Variants in KLHL15 observed in about 807,000 individuals in gnomAD.
KLHL15 encodes the protein kelch like family member 15, also known as kelch-like protein 15.
Under a neutral mutation model 29.3 loss-of-function variants are expected in KLHL15, and 1 was observed. The ratio of observed to expected loss-of-function variants is 0.03; its 90% CI spans 0.01 to 0.16. The LOEUF is 0.16. KLHL15 is among the 10% of genes least tolerant of loss of function. KLHL15 has a pLI of 1.00. For missense variants in KLHL15, 215 were observed against 478.5 expected (o/e 0.45, Z 5.14); for synonymous variants, 212 against 184.5 (o/e 1.15, Z -1.21).
chrX:23,989,837 T>G (rs1929046778), intron 3 of KLHL15, among the ~76,000 whole-genome samples: 1 of 110,301 alleles, frequency 9.1e-6, no homozygotes, highest in Non-Finnish European at 1.9e-5. Context: ...TATATATTTT[T>G]AGAGATGGGG....
chrX:24,015,285 T>C (rs751158546), intron 2 of KLHL15, among the ~76,000 whole-genome samples: 1 of 112,289 alleles, frequency 8.9e-6, no homozygotes, highest in East Asian at 2.8e-4. Flanking sequence ...ATTCTTTTTA[T>C]ATGATTTTGT....
intron 3 of KLHL15, among the ~76,000 whole-genome samples, chrX:23,991,063 C>T: frequency 9.1e-6 from 1 of 110,018 alleles, no homozygotes; most frequent in Non-Finnish European, 1.9e-5. Context: ...AGAGAGAAAA[C>T]TAACATTGGC....
chrX:24,024,285 G>C (rs1436103937), intron 2 of KLHL15, among the ~76,000 whole-genome samples: 1 of 112,118 alleles, frequency 8.9e-6, no homozygotes, highest in African/African-American at 3.2e-5. Context: ...TAGAAATAAA[G>C]AGGCAGCAAC....
At chrX:24,021,107 A>G (rs567340651) in intron 2 of KLHL15, among the ~76,000 whole-genome samples, 1 of 112,246 alleles carries the variant, frequency 8.9e-6, no homozygotes, top group East Asian at 2.8e-4. Context: ...TAAAATTTCA[A>G]ATTCTGAAAA....
At position 23,987,120 on chromosome X, in the gene KLHL15, T is replaced by G. The variant is rs975852800; in HGVS notation, c.*801A>C. 4 of 112,803 alleles carry G rather than the reference T, an allele frequency of 3.5e-5. No individual in the cohort carries two copies. Among genetic ancestry groups the G allele is most frequent in the African/African-American group, 1.3e-4 (4 of 31,106 alleles). 9.3% of individuals were successfully genotyped at this position (112,803 alleles called of 1,213,427 possible). A position where few individuals can be genotyped will look rare whatever the true frequency, so the allele number is the denominator to read the frequency against. On this transcript the variant is annotated 3_prime_UTR_variant, in exon 4 of 4. Coordinates refer to ENST00000328046, the MANE Select transcript of KLHL15 (RefSeq NM_030624.3). ...GAAATATAAGGAGTTCAAATATTAC[T>G]GAATCAGTATGGACTGAAGATAGGC...
chrX:24,025,509 C>A (rs868391225), intron 1 of KLHL15, among the ~76,000 whole-genome samples: 4 of 104,753 alleles, frequency 3.8e-5, no homozygotes, highest in Non-Finnish European at 6.0e-5. Flanking sequence ...AAGGCCGCCA[C>A]GCTGGGAGAG....
At chrX:24,009,314 A>G (rs1430245788) in intron 2 of KLHL15, among the ~76,000 whole-genome samples, 8 of 110,588 alleles carry the variant, frequency 7.2e-5, no homozygotes, top group African/African-American at 9.9e-5. Flanking sequence ...CCTGGCCAAC[A>G]TGGTGAAACC....
At chrX:24,001,867 C>T (rs1722240662) in intron 3 of KLHL15, among the ~76,000 whole-genome samples, 1 of 104,297 alleles carries the variant, frequency 9.6e-6, no homozygotes, top group Non-Finnish European at 1.9e-5. Flanking sequence ...GGCGCGGTGG[C>T]TCACGCCTGT....
At chrX:23,993,451 G>A (rs181697532) in intron 3 of KLHL15, among the ~76,000 whole-genome samples, 4 of 111,666 alleles carry the variant, frequency 3.6e-5, no homozygotes, top group African/African-American at 1.3e-4. Flanking sequence ...TGATGTAACA[G>A]CACTGATAGA....
At chrX:23,997,208 C>G (rs1048415551) in intron 3 of KLHL15, among the ~76,000 whole-genome samples, 2 of 112,349 alleles carry the variant, frequency 1.8e-5, no homozygotes, top group African/African-American at 6.5e-5. Flanking sequence ...GTAAAAAATA[C>G]TTAAAGAATA....
rs1004258107 is a variant in KLHL15 at position 24,009,212 on chromosome X, A to G, written c.-7-2512T>C. On this transcript the variant is annotated intron_variant, in intron 2 of 3. Transcript: ENST00000328046. Reference sequence around the variant, plus strand: ...TGTCTCTACTAAAAATACAAAAATTAAAGGCCGGGCGTGGTGGCTCATGCC... The same window carrying G: ...TGTCTCTACTAAAAATACAAAAATTGAAGGCCGGGCGTGGTGGCTCATGCC... Among the ~76,000 whole-genome samples, 4 of 110,446 alleles carry G rather than the reference A, an allele frequency of 3.6e-5. No homozygotes were observed. In the Admixed American group the frequency reaches 3.9e-4, roughly 11 times the overall value.
intron 2 of KLHL15, among the ~76,000 whole-genome samples, chrX:24,011,112 A>T (rs1929563996): frequency 9.3e-6 from 1 of 107,709 alleles, no homozygotes. Context: ...CCTTTATTCA[A>T]CTTCCTGACA....
chrX:23,991,051 TAA>T (rs1929073301), intron 3 of KLHL15, among the ~76,000 whole-genome samples: 1 of 109,828 alleles, frequency 9.1e-6, no homozygotes, highest in African/African-American at 3.3e-5. Context: ...TCCAACTACA[TAA>T]GAGAGAAAAC....
At chrX:24,022,742 G>A (rs1929838166) in intron 2 of KLHL15, among the ~76,000 whole-genome samples, 1 of 104,125 alleles carries the variant, frequency 9.6e-6, no homozygotes, top group Non-Finnish European at 2.0e-5. Flanking sequence ...TTTTTGAGAC[G>A]GAGTTTTGCT....
intron 3 of KLHL15, among the ~76,000 whole-genome samples, chrX:24,002,267 T>C (rs757174108): frequency 8.9e-6 from 1 of 112,398 alleles, no homozygotes; most frequent in African/African-American, 3.2e-5. Flanking sequence ...AGAAAGCAGT[T>C]GAAACTATTT....
chrX:24,004,813 C>T (rs982109948), intron 3 of KLHL15, among the ~76,000 whole-genome samples: 8 of 108,089 alleles, frequency 7.4e-5, no homozygotes, highest in Non-Finnish European at 1.3e-4. Context: ...AAAATACATA[C>T]ATACATATAT....
chrX:24,013,422 T>G (rs1458647274), intron 2 of KLHL15, among the ~76,000 whole-genome samples: 1 of 110,270 alleles, frequency 9.1e-6, no homozygotes, highest in Non-Finnish European at 1.9e-5. Context: ...GCCACCAGAC[T>G]CGGCTAATTT....
chrX:23,986,300 CAAAA>C lies in KLHL15; in HGVS notation c.*1617_*1620del, dbSNP rs773962238. On this transcript the variant is annotated 3_prime_UTR_variant, in exon 4 of 4. Coordinates refer to ENST00000328046, the MANE Select transcript of KLHL15 (RefSeq NM_030624.3). Reference sequence around the variant, plus strand: ...AGCAGCAAAAAAACAAACAAACAAACAAAAAAACAAAAAACACCAAACAAAGTGA... The same window carrying C: ...AGCAGCAAAAAAACAAACAAACAAACAAACAAAAAACACCAAACAAAGTGA... The C allele has an allele frequency of 5.6e-4, 62 of 110,777 alleles. No individual in the cohort carries two copies. The highest frequency in any genetic ancestry group is 1.7e-3 in the African/African-American group (52 of 30,487). 9.1% of individuals were successfully genotyped at this position (110,777 alleles called of 1,213,427 possible). A position where few individuals can be genotyped will look rare whatever the true frequency, so the allele number is the denominator to read the frequency against.
At chrX:24,025,114 G>A in intron 1 of KLHL15, 56 bp from the exon 2 acceptor site, 1 of 295,652 alleles carries the variant, frequency 3.4e-6, no homozygotes, top group Non-Finnish European at 5.9e-6. Flanking sequence ...TCCGCACGAG[G>A]CGGCGCGGCG....
Sources: allele counts gnomAD v4.1 joint callset (sites outside exome capture counted in the v4.1 genomes callset), GRCh38; gene constraint gnomAD v4.1.1; transcripts MANE v1.5; gene names NCBI Gene and HGNC (gene_info 2026-07-23, HGNC 2026-07-21).